Variants in NFATC2 observed in about 807,000 individuals in gnomAD.
The protein encoded by NFATC2 is nuclear factor of activated T cells 2, also known as nuclear factor of activated T-cells, cytoplasmic 2.
NFATC2 carries 22 observed loss-of-function variants against 87.3 expected under a neutral mutation model. That is an observed-to-expected ratio of 0.25 (90% CI 0.18 to 0.36). The LOEUF is 0.36. Ranked by LOEUF, NFATC2 falls within the 10% of genes least tolerant of loss-of-function variation. The probability of loss-of-function intolerance (pLI) is 1.00; values close to 1 mark genes in which losing one functional copy is unlikely to be tolerated. For missense variants in NFATC2, 1,149 were observed against 1,259.1 expected, an observed-to-expected ratio of 0.91 and a Z score of 1.32; for synonymous variants, 565 against 542.2, an observed-to-expected ratio of 1.04 and a Z score of -0.58.
chr20:51,420,657 C>T (rs1001230502), intron 9 of NFATC2, among the ~76,000 whole-genome samples: 1 of 152,116 alleles, frequency 6.6e-6, no homozygotes, highest in African/African-American at 2.4e-5. Flanking sequence ...AAAACAAAGG[C>T]ATCTGCTTGC....
intron 9 of NFATC2, among the ~76,000 whole-genome samples, chr20:51,408,439 AG>A (rs1978672119): frequency 6.9e-6 from 1 of 144,898 alleles, no homozygotes; most frequent in South Asian, 2.2e-4. Flanking sequence ...CCATGAACCC[AG>A]GAGGCGTAGG....
intron 6 of NFATC2, among the ~76,000 whole-genome samples, chr20:51,440,236 C>CAAAAAAAAAAAAAAAAAAAAAAAAAAA (rs34071345): frequency 1.0e-5 from 1 of 97,228 alleles, no homozygotes; most frequent in Non-Finnish European, 1.9e-5. Flanking sequence ...AACTCCATCT[C>CAAAAAAAAAAAAAAAAAAAAAAAAAAA]AAAAAAAAAA....
intron 3 of NFATC2, among the ~76,000 whole-genome samples, chr20:51,476,393 G>C (rs999632233): frequency 1.3e-5 from 2 of 151,990 alleles, no homozygotes; most frequent in African/African-American, 4.8e-5. Flanking sequence ...GATAAAGACT[G>C]AAAGAAAATA....
chr20:51,516,682 G>T, intron 3 of NFATC2, 102 bp downstream of exon 3: 1 of 1,258,940 alleles, frequency 7.9e-7, no homozygotes, highest in Non-Finnish European at 1.1e-6. Context: ...AAGAGGCTGA[G>T]ACACATACCT....
chr20:51,400,371 C>T (rs1249939602), intron 9 of NFATC2, among the ~76,000 whole-genome samples: 1 of 151,800 alleles, frequency 6.6e-6, no homozygotes, highest in Admixed American at 6.6e-5. Context: ...TAGTTGGAAC[C>T]CCAGGGACCA....
intron 3 of NFATC2, among the ~76,000 whole-genome samples, chr20:51,495,337 C>T (rs6021251): frequency 6.6e-6 from 1 of 152,256 alleles, no homozygotes; most frequent in Admixed American, 6.5e-5. Flanking sequence ...ATCCACCCAC[C>T]TCAGCCTCCC....
chr20:51,551,666 T>TA (rs2076933890), intron 1 of NFATC2, among the ~76,000 whole-genome samples: 3 of 151,200 alleles, frequency 2.0e-5, no homozygotes, highest in Non-Finnish European at 2.9e-5. Flanking sequence ...CTGGCCTTTT[T>TA]AAAAAAAGCT....
intron 3 of NFATC2, among the ~76,000 whole-genome samples, chr20:51,476,317 T>A (rs1161551831): frequency 6.8e-6 from 1 of 146,320 alleles, no homozygotes; most frequent in African/African-American, 2.5e-5. Flanking sequence ...TATATTCCAA[T>A]GAACAAAGTT....
At chr20:51,469,454 A>G (rs1024429402) in intron 5 of NFATC2, among the ~76,000 whole-genome samples, 4 of 152,240 alleles carry the variant, frequency 2.6e-5, no homozygotes, top group Admixed American at 6.5e-5. Context: ...ACTGAGGAGC[A>G]GACAGGAAGG....
In NFATC2 at chr20:51,398,540, T is replaced by C. The variant is rs112033682; in HGVS notation, c.*44+103A>G. The C allele has an allele frequency of 3.5e-5, 25 of 720,176 alleles. No individual in the cohort carries two copies. The African/African-American group carries it at 3.7e-4, about 11-fold the overall frequency. 44.6% of individuals were successfully genotyped at this position (720,176 alleles called of 1,614,324 possible). A position where few individuals can be genotyped will look rare whatever the true frequency, so the allele number is the denominator to read the frequency against. ...GCAGGAGAATGAGAAGAGAGGGCCT[T>C]CAGCCTGTCAAGTTTTCTTATACTT... is the stretch of plus-strand genomic sequence containing the variant. On this transcript the variant is annotated intron_variant, in intron 10 of 10. Transcript: ENST00000371564.
At chr20:51,396,385 G>A (rs992804721) in intron 10 of NFATC2, among the ~76,000 whole-genome samples, 2 of 152,044 alleles carry the variant, frequency 1.3e-5, no homozygotes, top group Non-Finnish European at 1.5e-5. Context: ...TACTTCAGGT[G>A]CAATTTAAAG....
At chr20:51,407,682 T>G (rs1007314966) in intron 9 of NFATC2, among the ~76,000 whole-genome samples, 5 of 152,110 alleles carry the variant, frequency 3.3e-5, no homozygotes, top group African/African-American at 1.2e-4. Flanking sequence ...ATCCCAAAGT[T>G]GCAGAGGCCC....
intron 5 of NFATC2, 36 bp from the exon 6 acceptor site, chr20:51,454,724 G>C: frequency 6.2e-7 from 1 of 1,608,764 alleles, no homozygotes; most frequent in South Asian, 1.1e-5. Context: ...CTGTGATAAG[G>C]GGAGATGTCT....
intron 9 of NFATC2, among the ~76,000 whole-genome samples, chr20:51,431,195 TAAAG>T (rs1982653609): frequency 1.3e-5 from 2 of 152,062 alleles, no homozygotes; most frequent in Admixed American, 1.3e-4. Flanking sequence ...AAAATGAAGG[TAAAG>T]AAAGTCCAAC....
intron 1 of NFATC2, among the ~76,000 whole-genome samples, chr20:51,537,686 G>A (rs2076742758): frequency 6.6e-6 from 1 of 152,192 alleles, no homozygotes; most frequent in African/African-American, 2.4e-5. Flanking sequence ...GTATTCACAA[G>A]CATGCATAAG....
intron 3 of NFATC2, among the ~76,000 whole-genome samples, chr20:51,498,864 G>A (rs947218154): frequency 2.6e-5 from 4 of 152,230 alleles, no homozygotes; most frequent in African/African-American, 7.2e-5. Flanking sequence ...ATCAGGGGAA[G>A]CTGCTTTGAG....
chr20:51,399,849 C>T (rs573889557), intron 9 of NFATC2, among the ~76,000 whole-genome samples: 1 of 152,170 alleles, frequency 6.6e-6, no homozygotes, highest in Non-Finnish European at 1.5e-5. Flanking sequence ...TCACTCAGGG[C>T]CTTAAAATAC....
At chr20:51,472,481 G>T (rs1338079898) in intron 5 of NFATC2, among the ~76,000 whole-genome samples, 2 of 151,084 alleles carry the variant, frequency 1.3e-5, no homozygotes, top group Non-Finnish European at 2.9e-5. Context: ...AAAATGTCCA[G>T]CAAAAAGGAA....
chr20:51,561,455 GAAAGAAAGAAAGA>G (rs2077026412), intron 1 of NFATC2, among the ~76,000 whole-genome samples: 1 of 118,976 alleles, frequency 8.4e-6, no homozygotes, highest in Non-Finnish European at 1.8e-5. Flanking sequence ...AAGAAAGAAA[GAAAGAAAGAAAGA>G]AAGAAAGAAA....
Sources: gnomAD v4.1 joint callset for allele counts (sites outside exome capture counted in the v4.1 genomes callset) on GRCh38, gnomAD v4.1.1 for gene constraint, MANE v1.5 for transcripts, NCBI Gene and HGNC (gene_info 2026-07-23, HGNC 2026-07-21) for gene names.